The following MYO1A variants were observed in gnomAD, a reference collection of about 807,000 sequenced individuals.
MYO1A encodes unconventional myosin-Ia.
MYO1A carries 127 observed loss-of-function variants against 138.5 expected under a neutral mutation model. The ratio of observed to expected loss-of-function variants is 0.92; its 90% CI spans 0.79 to 1.06. The LOEUF (loss-of-function observed/expected upper bound fraction) is 1.06. MYO1A is among the 50% of genes least tolerant of loss of function. MYO1A has a pLI of 0.00. For synonymous variants in MYO1A, 477 were observed against 497.5 expected (o/e 0.96, Z 0.55); for missense variants, 1,211 against 1,288.8 (o/e 0.94, Z 0.92).
rs762920778 is a variant in MYO1A, at chr12:57,047,046, G to T, written c.477+15C>A. 2 of 1,614,024 alleles carry T rather than the reference G, an allele frequency of 1.2e-6. No homozygotes were observed. Among genetic ancestry groups the T allele is most frequent in the Non-Finnish European group, 1.7e-6 (2 of 1,179,902 alleles). ...CCCACATCCTCTCTTCCCAGGTGGG[G>T]AGACATTTACTCACAAATCGGGAGG... On this transcript the variant is annotated intron_variant, in intron 6 of 27. Coordinates refer to ENST00000300119, the MANE Select transcript of MYO1A (RefSeq NM_005379.4).
chr12:57,039,904 A>G (rs1237440449), intron 14 of MYO1A, among the ~76,000 whole-genome samples: 1 of 152,210 alleles, frequency 6.6e-6, no homozygotes, highest in Non-Finnish European at 1.5e-5. Flanking sequence ...CCCTTTAGGA[A>G]CCACTTTATC....
rs147987427 is a variant in MYO1A, at chr12:57,048,253, A to G, written c.71T>C (p.Leu24Pro). Residue 24 changes from leucine to proline, a missense_variant, in exon 2 of 28, where the codon CTG becomes CCG. By Grantham distance (98) the Leu-to-Pro change is moderately conservative. Coordinates refer to ENST00000300119, the MANE Select transcript of MYO1A (RefSeq NM_005379.4). The stretch of plus-strand genomic sequence containing the variant: ...ATAGCGAAGCTGAAGATTCTTGAGC[A>G]GTGACTCCTCCACCAAGGGTTCCAG... ...VLLEPLVEES[L>P]LKNLQLRYEN... 6.2e-7 allele frequency: 1 copy of G among 1,614,090 alleles called. No homozygotes were observed. Among genetic ancestry groups the G allele is most frequent in the African/African-American group, 1.3e-5 (1 of 74,936 alleles).
intron 7 of MYO1A, 80 bp downstream of exon 7, chr12:57,046,783 C>G: frequency 6.4e-7 from 1 of 1,554,404 alleles, no homozygotes; most frequent in Non-Finnish European, 8.9e-7. Context: ...AACATTCTGC[C>G]TTTCTACAGG....
Position 57,029,213 on chromosome 12 carries a change from T to G in MYO1A, c.2924A>C (p.His975Pro). The change falls in exon 27 of 28, where the codon CAT (histidine) becomes CCT (proline). Residue 975 changes from histidine (H) to proline (P), a missense_variant. Transcript: ENST00000300119. ...SKGDFLLVSE[H>P]VIELLTKMYR... The stretch of plus-strand genomic sequence containing the variant: ...CATTTTGGTCAGCAGTTCAATCACA[T>G]GCTCGCTGACCAGCAGGAAGTCCCC... 1 of 1,614,126 alleles carries G rather than the reference T, an allele frequency of 6.2e-7. No individual in the cohort carries two copies.
intron 14 of MYO1A, among the ~76,000 whole-genome samples, chr12:57,040,342 G>A (rs2030802441): frequency 6.6e-6 from 1 of 152,122 alleles, no homozygotes; most frequent in South Asian, 2.1e-4. Context: ...GATTTTGTGG[G>A]GAAATATATT....
chr12:57,030,804 G>A (rs1182205499), intron 23 of MYO1A, among the ~76,000 whole-genome samples: 1 of 152,132 alleles, frequency 6.6e-6, no homozygotes, highest in South Asian at 2.1e-4. Context: ...TCAGTTTGGG[G>A]TGATGAAAAA....
intron 21 of MYO1A, 115 bp from the exon 22 acceptor site, chr12:57,036,496 C>T (rs902111989): frequency 3.5e-6 from 4 of 1,141,044 alleles, no homozygotes; most frequent in Non-Finnish European, 5.3e-6. Flanking sequence ...GAGACTGTAG[C>T]TGGAAGTTGG....
chr12:57,036,022 G>A (rs1414948449), intron 22 of MYO1A, among the ~76,000 whole-genome samples: 3 of 152,144 alleles, frequency 2.0e-5, no homozygotes, highest in Admixed American at 2.0e-4. Context: ...TCTTCACAAG[G>A]CTATTTGACC....
At chr12:57,033,105 T>C (rs2030365706) in intron 22 of MYO1A, among the ~76,000 whole-genome samples, 1 of 152,194 alleles carries the variant, frequency 6.6e-6, no homozygotes, top group Non-Finnish European at 1.5e-5. Context: ...TACCCTAAAA[T>C]GTCAGCATGC....
Position 57,032,543 on chromosome 12 carries a change from C to A in MYO1A, c.2350-1369G>T, listed in dbSNP as rs531693313. On this transcript the variant is annotated intron_variant, in intron 22 of 27. Coordinates refer to ENST00000300119, the MANE Select transcript of MYO1A (RefSeq NM_005379.4). ...CCAGGGTGAGCAAAAATTAGCTGGGCATGGTGGCGCATGCCTGTAATCCCA... is the reference window on the plus strand; with the variant it reads ...CCAGGGTGAGCAAAAATTAGCTGGGAATGGTGGCGCATGCCTGTAATCCCA... Among the ~76,000 whole-genome samples, 325 of 152,262 alleles carry A rather than the reference C, an allele frequency of 2.1e-3. 1 individual carries two copies. Among genetic ancestry groups the A allele is most frequent in the African/African-American group, 6.3e-3 (262 of 41,556 alleles).
At position 57,041,257 on chromosome 12, in the gene MYO1A, T is replaced by C. The variant is rs956670008; in HGVS notation, c.1196A>G (p.Tyr399Cys). Residue 399 changes from tyrosine (Y) to cysteine (C), a missense_variant, in exon 14 of 28, where the codon TAC (tyrosine) becomes TGC (cysteine). Tyr to Cys is a radical substitution (Grantham distance 194, BLOSUM62 -2). Coordinates refer to ENST00000300119, the MANE Select transcript of MYO1A (RefSeq NM_005379.4). ...DNSFEQFVIN[Y>C]CNEKLQQVFI... is the part of the protein sequence containing the mutation. ...CACCTGCTGCAGCTTCTCATTGCAG[T>C]AGTTGATCACAAATTGCTCAAAGCT... 8.1e-6 allele frequency: 13 copies of C among 1,614,022 alleles called. No individual in the cohort carries two copies. The highest frequency in any genetic ancestry group is 1.1e-5 in the Non-Finnish European group (13 of 1,180,008).
Position 57,038,024 on chromosome 12 carries a change from T to C in MYO1A, c.1806A>G (p.Ser602=). 6.2e-7 allele frequency: 1 copy of C among 1,614,162 alleles called. No individual in the cohort carries two copies. The highest frequency in any genetic ancestry group is 1.6e-4 in the Middle Eastern group (1 of 6,062). ...NEHQQRGQFS[S]DLVATQARYL... ...ACCGAGCCTGGGTTGCCACCAGGTC[T>C]GAAGAGAACTGACCTCGCTGCTGAT... Residue 602 remains serine (S), a synonymous_variant, in exon 18 of 28, where the codon TCA becomes TCG. Transcript: ENST00000300119.
At chr12:57,042,515 TGTGGTATCATATGGTAAC>T (rs2030902667) in intron 12 of MYO1A, among the ~76,000 whole-genome samples, 1 of 152,228 alleles carries the variant, frequency 6.6e-6, no homozygotes, top group Non-Finnish European at 1.5e-5. Context: ...GAGTGGGAAT[TGTGGTATCATATGGTAAC>T]TATTTACATA....
At chr12:57,046,474 G>A in intron 8 of MYO1A, 78 bp downstream of exon 8, 1 of 1,095,884 alleles carries the variant, frequency 9.1e-7, no homozygotes. Flanking sequence ...GAGGGAACAG[G>A]GGTTCTGGGA....
Position 57,028,632 on chromosome 12 carries a change from G to A in MYO1A, c.*123C>T. On this transcript the variant is annotated 3_prime_UTR_variant, in exon 28 of 28. Coordinates refer to ENST00000300119, the MANE Select transcript of MYO1A (RefSeq NM_005379.4). ...GGGACAAGGGTCCTCTTCAAGGGTA[G>A]TTTAATCCCCAAGCCATGCGCCACG... The A allele has an allele frequency of 1.4e-6, 2 of 1,398,586 alleles. No individual in the cohort carries two copies. Among genetic ancestry groups the A allele is most frequent in the Non-Finnish European group, 2.0e-6 (2 of 1,018,434 alleles). 86.6% of individuals were successfully genotyped at this position (1,398,586 alleles called of 1,614,324 possible). A position where few individuals can be genotyped will look rare whatever the true frequency, so the allele number is the denominator to read the frequency against.
In MYO1A at chr12:57,036,164, G is replaced by A. The variant is rs114581911; in HGVS notation, c.2349+143C>T. The A allele has an allele frequency of 2.2e-3, 1,836 of 828,186 alleles. 24 individuals carry two copies. The African/African-American group carries it at 0.026, about 12-fold the overall frequency. The allele number at this position is 828,186 out of a possible 1,614,324, so 51.3% of individuals were successfully genotyped here. A position where few individuals can be genotyped will look rare whatever the true frequency, so the allele number is the denominator to read the frequency against. Reference sequence around the variant, plus strand: ...TGGGGCCTGGTCCCTGCAGGTAGCTGCCCTCTTCTCCTAGGACTTAAGTAC... The same window carrying A: ...TGGGGCCTGGTCCCTGCAGGTAGCTACCCTCTTCTCCTAGGACTTAAGTAC... On this transcript the variant is annotated intron_variant, in intron 22 of 27. Coordinates refer to ENST00000300119, the MANE Select transcript of MYO1A (RefSeq NM_005379.4).
At chr12:57,043,801 T>C in intron 10 of MYO1A, 55 bp downstream of exon 10, 1 of 1,612,302 alleles carries the variant, frequency 6.2e-7, no homozygotes, top group Non-Finnish European at 8.5e-7. Flanking sequence ...AGGACACGAC[T>C]TGTAGTAGGA....
chr12:57,035,043 G>A (rs2030468941), intron 22 of MYO1A, among the ~76,000 whole-genome samples: 1 of 152,084 alleles, frequency 6.6e-6, no homozygotes, highest in Non-Finnish European at 1.5e-5. Flanking sequence ...CAAGGCAGTG[G>A]CAAACTGGAA....
chr12:57,048,009 G>C lies in MYO1A; in HGVS notation c.210C>G (p.Phe70Leu), dbSNP rs753984988. ...EFIAKYQDYT[F>L]YELKPHIYAL... Reference sequence around the variant, plus strand: ...CTCACATATGGGGCTTCAGCTCATAGAAAGTATAGTCTTGATATTTGGCAA... The same window carrying C: ...CTCACATATGGGGCTTCAGCTCATACAAAGTATAGTCTTGATATTTGGCAA... The change falls in exon 3 of 28, where the codon TTC becomes TTG. Residue 70 changes from phenylalanine (F) to leucine (L), a missense_variant. Phe to Leu is a conservative substitution (Grantham distance 22). Transcript: ENST00000300119. 6.2e-7 allele frequency: 1 copy of C among 1,613,994 alleles called. No individual in the cohort carries two copies. The highest frequency in any genetic ancestry group is 2.2e-5 in the East Asian group (1 of 44,894).
Sources: allele counts gnomAD v4.1 joint callset (sites outside exome capture counted in the v4.1 genomes callset), GRCh38; gene constraint gnomAD v4.1.1; transcripts MANE v1.5; gene names NCBI Gene and HGNC (gene_info 2026-07-23, HGNC 2026-07-21).